NEO1: variants seen among roughly 807,000 people sequenced by gnomAD.
NEO1 encodes neogenin.
In NEO1, 63 loss-of-function variants were observed where a neutral mutation model predicts 159.7. The ratio of observed to expected loss-of-function variants is 0.39; its 90% CI spans 0.32 to 0.49. The LOEUF is 0.49. NEO1 is among the 20% of genes least tolerant of loss of function. The probability of loss-of-function intolerance (pLI) is 0.85; values close to 1 mark genes in which losing one functional copy is unlikely to be tolerated. For synonymous variants in NEO1, 633 were observed against 662.0 expected, an observed-to-expected ratio of 0.96 and a Z score of 0.67; for missense variants, 1,615 against 1,831.0, an observed-to-expected ratio of 0.88 and a Z score of 2.15.
chr15:73,242,198 T>C (rs1210338075), intron 8 of NEO1, among the ~76,000 whole-genome samples: 1 of 152,202 alleles, frequency 6.6e-6, no homozygotes, highest in Non-Finnish European at 1.5e-5. Context: ...AGAGAGCCTT[T>C]AGTTTAGTGT....
intron 1 of NEO1, among the ~76,000 whole-genome samples, chr15:73,086,978 T>G (rs2069403026): frequency 6.6e-6 from 1 of 152,136 alleles, no homozygotes; most frequent in Non-Finnish European, 1.5e-5. Context: ...ATTTGTTCCT[T>G]TTCATTTGTA....
At chr15:73,139,250 G>T (rs1377709921) in intron 5 of NEO1, among the ~76,000 whole-genome samples, 1 of 152,034 alleles carries the variant, frequency 6.6e-6, no homozygotes, top group African/African-American at 2.4e-5. Flanking sequence ...GCTTATTGAC[G>T]TTGGTCTTTG....
chr15:73,148,645 T>A (rs2033119729), intron 5 of NEO1, among the ~76,000 whole-genome samples: 1 of 152,218 alleles, frequency 6.6e-6, no homozygotes, highest in African/African-American at 2.4e-5. Context: ...GCATTTTATA[T>A]CAGAGCAGCA....
intron 1 of NEO1, among the ~76,000 whole-genome samples, chr15:73,099,999 G>T (rs2070308706): frequency 6.6e-6 from 1 of 152,136 alleles, no homozygotes; most frequent in Non-Finnish European, 1.5e-5. Flanking sequence ...GAAAACTTCA[G>T]ATGTTATTTT....
At chr15:73,223,575 TG>T (rs2038409577) in intron 7 of NEO1, among the ~76,000 whole-genome samples, 1 of 149,490 alleles carries the variant, frequency 6.7e-6, no homozygotes, top group Non-Finnish European at 1.5e-5. Flanking sequence ...CTTTAAAGTT[TG>T]TTTTGTCTGA....
chr15:73,080,454 G>T (rs1484592905), intron 1 of NEO1, among the ~76,000 whole-genome samples: 1 of 152,068 alleles, frequency 6.6e-6, no homozygotes. Flanking sequence ...TCTGGGAGAG[G>T]CTCTAGCAGT....
intron 7 of NEO1, among the ~76,000 whole-genome samples, chr15:73,228,441 G>T: frequency 6.8e-6 from 1 of 146,988 alleles, no homozygotes; most frequent in African/African-American, 2.5e-5. Flanking sequence ...AGTTGTAAGA[G>T]TTCATTATGT....
Position 73,187,434 on chromosome 15 carries a change from T to C in NEO1, c.1291+9007T>C, listed in dbSNP as rs555826569. ...TTCCCCCTTTTTATTTAAAAAATTT[T>C]AAGTGAAACAGACATCCACTGATGA... On this transcript the variant is annotated intron_variant, in intron 7 of 28. Transcript: ENST00000261908. Among the ~76,000 whole-genome samples the C allele has an allele frequency of 2.0e-5, 3 of 152,326 alleles. No homozygotes were observed. In the South Asian group the frequency reaches 6.2e-4, roughly 32 times the overall value.
At chr15:73,120,159 T>TAA (rs2071557476) in intron 2 of NEO1, among the ~76,000 whole-genome samples, 1 of 150,736 alleles carries the variant, frequency 6.6e-6, no homozygotes, top group Non-Finnish European at 1.5e-5. Context: ...ATTAATTAAT[T>TAA]TAATTTAATT....
intron 7 of NEO1, among the ~76,000 whole-genome samples, chr15:73,217,106 A>G (rs934977660): frequency 2.6e-5 from 4 of 151,886 alleles, no homozygotes; most frequent in Non-Finnish European, 5.9e-5. Flanking sequence ...TGATTTTTGT[A>G]TAAGGTGTAA....
At chr15:73,051,901 C>G (rs1202778411), upstream of NEO1, 1 of 152,562 alleles carries the variant, frequency 6.6e-6, no homozygotes, top group Non-Finnish European at 1.5e-5. Flanking sequence ...CCGGACTGTG[C>G]AGAGGTGCGC....
At chr15:73,286,127 T>A (rs935538310) in intron 23 of NEO1, among the ~76,000 whole-genome samples, 1 of 138,316 alleles carries the variant, frequency 7.2e-6, no homozygotes, top group Non-Finnish European at 1.5e-5. Flanking sequence ...ACCTTTCTTC[T>A]CCACCACAGA....
At chr15:73,088,489 A>G (rs753895321) in intron 1 of NEO1, among the ~76,000 whole-genome samples, 4 of 152,096 alleles carry the variant, frequency 2.6e-5, no homozygotes, top group Non-Finnish European at 5.9e-5. Flanking sequence ...GTAGTTTCAA[A>G]CACTTTTACC....
At chr15:73,299,475 TC>T (rs1480840154) in intron 27 of NEO1, among the ~76,000 whole-genome samples, 1 of 151,846 alleles carries the variant, frequency 6.6e-6, no homozygotes, top group Non-Finnish European at 1.5e-5. Flanking sequence ...AAGCTCCGAC[TC>T]CCGGGTTCAC....
At chr15:73,268,044 C>G (rs1432496446) in intron 16 of NEO1, among the ~76,000 whole-genome samples, 1 of 152,104 alleles carries the variant, frequency 6.6e-6, no homozygotes, top group Non-Finnish European at 1.5e-5. Context: ...TGGGTGTGAG[C>G]TATGTCACTC....
intron 5 of NEO1, among the ~76,000 whole-genome samples, chr15:73,157,377 G>A (rs568245836): frequency 6.6e-6 from 1 of 152,322 alleles, no homozygotes; most frequent in Non-Finnish European, 1.5e-5. Context: ...ATTGAGAATG[G>A]CCTCTTACTG....
chr15:73,292,186 G>A (rs1200476242), intron 25 of NEO1, among the ~76,000 whole-genome samples: 2 of 152,196 alleles, frequency 1.3e-5, no homozygotes, highest in African/African-American at 2.4e-5. Flanking sequence ...ATGTGGCCAG[G>A]ACAAGGGATA....
At chr15:73,149,440 A>G (rs909342117) in intron 5 of NEO1, among the ~76,000 whole-genome samples, 3 of 152,240 alleles carry the variant, frequency 2.0e-5, no homozygotes, top group Non-Finnish European at 2.9e-5. Flanking sequence ...TGGAGATACA[A>G]TGACATATAG....
chr15:73,052,670 G>A lies in NEO1; in HGVS notation c.-6G>A, dbSNP rs1274402330. The A allele has an allele frequency of 7.5e-7, 1 of 1,335,320 alleles. No individual in the cohort carries two copies. The highest frequency in any genetic ancestry group is 1.5e-5 in the African/African-American group (1 of 64,998). 82.7% of individuals were successfully genotyped at this position (1,335,320 alleles called of 1,614,324 possible). On this transcript the variant is annotated 5_prime_UTR_variant, in exon 1 of 29. Transcript: ENST00000261908. ...GCCGCCGCTGCCGCTCACTCTCGGG[G>A]AAGAGATGGCGGCGGAGCGGGGAGC...
Sources: gnomAD v4.1 joint callset for allele counts (sites outside exome capture counted in the v4.1 genomes callset) on GRCh38, gnomAD v4.1.1 for gene constraint, MANE v1.5 for transcripts, NCBI Gene and HGNC (gene_info 2026-07-23, HGNC 2026-07-21) for gene names.